Variants in ZNF512B observed in about 807,000 individuals in gnomAD.
ZNF512B encodes zinc finger protein 512B.
A neutral mutation model predicts 87.8 loss-of-function variants in ZNF512B; 22 were observed. That is an observed-to-expected ratio of 0.25 (90% CI 0.18 to 0.36). ZNF512B has a LOEUF of 0.36. ZNF512B is among the 10% of genes least tolerant of loss of function. The pLI, the probability that ZNF512B is intolerant of heterozygous loss-of-function variation, is 1.00. For missense variants in ZNF512B, 1,060 were observed against 1,231.6 expected (o/e 0.86, Z 2.09); for synonymous variants, 524 against 490.9 (o/e 1.07, Z -0.89).
chr20:63,964,128 C>A lies in ZNF512B; in HGVS notation c.1423G>T (p.Ala475Ser). The A allele has an allele frequency of 1.2e-6, 2 of 1,606,514 alleles. No homozygotes were observed. The highest frequency in any genetic ancestry group is 2.2e-5 in the South Asian group (2 of 90,114). ...GPEDARKKVP[A>S]APITVSKEAP... ...TCCTTGCTGACAGTGATGGGGGCAGCTGGCACCTTCTTCCGGGCGTCCTCA... is the reference window on the plus strand; with the variant it reads ...TCCTTGCTGACAGTGATGGGGGCAGATGGCACCTTCTTCCGGGCGTCCTCA... The change falls in exon 8 of 17, where the codon GCT (alanine) becomes TCT (serine). Residue 475 changes from alanine (A) to serine (S), a missense_variant. Transcript: ENST00000369888.
rs376212498 is a variant in ZNF512B at position 63,960,093 on chromosome 20, T to C, written c.2474A>G (p.Gln825Arg). 3.8e-5 allele frequency: 61 copies of C among 1,613,864 alleles called. No individual in the cohort carries two copies. Among genetic ancestry groups the C allele is most frequent in the Middle Eastern group, 1.6e-4 (1 of 6,082 alleles). The change falls in exon 17 of 17, where the codon CAG (glutamine) becomes CGG (arginine). Residue 825 changes from glutamine (Q) to arginine (R), a missense_variant. By Grantham distance (43) the Gln-to-Arg change is conservative. Around this residue, in one of 9 missense-constraint regions of ZNF512B, gnomAD observed 253 missense variants for 259.2 expected, o/e 0.98. Transcript: ENST00000369888. Reference protein sequence around the residue: ...SADPPPKHRSQDSLVPKKEKK... With the variant: ...SADPPPKHRSRDSLVPKKEKK... ...TTCCTTCTTGGGCACCAATGAGTCC[T>C]GGCTCCTGTGTTTGGGAGGTGGGTC...
chr20:63,969,425 G>C, intron 1 of ZNF512B, among the ~76,000 whole-genome samples: 1 of 151,678 alleles, frequency 6.6e-6, no homozygotes. Context: ...CGGGTCCGCC[G>C]CGTAGGCCGT....
chr20:63,961,985 G>A lies in ZNF512B; in HGVS notation c.2285C>T (p.Ser762Phe). Residue 762 changes from serine to phenylalanine, a missense_variant, in exon 15 of 17, where the codon TCC (serine) becomes TTC (phenylalanine). This residue lies in a region of ZNF512B where 253 missense variants were observed against 259.2 expected (regional missense o/e 0.98). Coordinates refer to ENST00000369888, the MANE Select transcript of ZNF512B (RefSeq NM_020713.3). This position sits in a 1 kb window ranked among gnomAD's most constrained non-coding sequence, Gnocchi z 6.4. Reference sequence around the variant, plus strand: ...ATGAGCCTTGAGTCCGGACACGCTGGAGTAGATGGCTTCACAGCACTGCAG... The same window carrying A: ...ATGAGCCTTGAGTCCGGACACGCTGAAGTAGATGGCTTCACAGCACTGCAG... ...CPNDCCEAIY[S>F]SVSGLKAHLA... is the part of the protein sequence containing the mutation. The A allele has an allele frequency of 3.2e-6, 5 of 1,551,068 alleles. No homozygotes were observed. Among genetic ancestry groups the A allele is most frequent in the Non-Finnish European group, 4.4e-6 (5 of 1,146,936 alleles).
chr20:63,968,767 T>C (rs1362311911), intron 1 of ZNF512B, among the ~76,000 whole-genome samples: 2 of 152,230 alleles, frequency 1.3e-5, no homozygotes, highest in Admixed American at 1.3e-4. Flanking sequence ...AAACAAGTCG[T>C]GGAAGCACCA....
Position 63,960,090 on chromosome 20 carries a change from T to C in ZNF512B, c.2477A>G (p.Asp826Gly). 1 of 1,613,938 alleles carries C rather than the reference T, an allele frequency of 6.2e-7. No homozygotes were observed. The change falls in exon 17 of 17, where the codon GAC becomes GGC. Residue 826 changes from aspartate (D) to glycine (G), a missense_variant. Asp to Gly is a moderately conservative substitution (Grantham distance 94). Around this residue, in one of 9 missense-constraint regions of ZNF512B, gnomAD observed 253 missense variants for 259.2 expected, o/e 0.98. Coordinates refer to ENST00000369888, the MANE Select transcript of ZNF512B (RefSeq NM_020713.3). ...ADPPPKHRSQ[D>G]SLVPKKEKKK... ...CTTTTCCTTCTTGGGCACCAATGAG[T>C]CCTGGCTCCTGTGTTTGGGAGGTGG...
In ZNF512B at chr20:63,964,375, T is replaced by G. The variant is rs1477981533; in HGVS notation, c.1278A>C (p.Thr426=). The part of the protein sequence containing the change: ...ERTKHRRKQK[T]PKKFTGEQPS... Reference sequence around the variant, plus strand: ...GCTGCTCCCCTGTAAACTTTTTGGGTGTTTTCTGTTTCCTTCCTGACTCGG... The same window carrying G: ...GCTGCTCCCCTGTAAACTTTTTGGGGGTTTTCTGTTTCCTTCCTGACTCGG... Residue 426 remains threonine (T), a synonymous_variant, in exon 7 of 17, where the codon ACA becomes ACC. Transcript: ENST00000369888. The G allele has an allele frequency of 6.2e-7, 1 of 1,613,842 alleles. No individual in the cohort carries two copies. Among genetic ancestry groups the G allele is most frequent in the Non-Finnish European group, 8.5e-7 (1 of 1,179,894 alleles).
Position 63,962,272 on chromosome 20 carries a change from C to T in ZNF512B, c.2265+1G>A, listed in dbSNP as rs2058861188. The T allele has an allele frequency of 1.2e-6, 2 of 1,609,188 alleles. No individual in the cohort carries two copies. The highest frequency in any genetic ancestry group is 1.1e-5 in the South Asian group (1 of 90,868). On this transcript the variant is annotated splice_donor_variant, in intron 14 of 16. Transcript: ENST00000369888. LOFTEE classifies it high-confidence loss of function. ...CCCCCCACCCGGCTGCCTCCGCTCACGTCGTTGGGACAGTTGACGTGGCCT... is the reference window on the plus strand; with the variant it reads ...CCCCCCACCCGGCTGCCTCCGCTCATGTCGTTGGGACAGTTGACGTGGCCT...
chr20:63,960,005 C>T lies in ZNF512B; in HGVS notation c.2562G>A (p.Glu854=), dbSNP rs749275563. Residue 854 remains glutamate (E), a synonymous_variant, in exon 17 of 17, where the codon GAG becomes GAA. Coordinates refer to ENST00000369888, the MANE Select transcript of ZNF512B (RefSeq NM_020713.3). ...RGRKPKERTP[E]EPVAKLPPRR... Reference sequence around the variant, plus strand: ...GCGGGGGCAGCTTGGCCACAGGCTCCTCTGGGGTCCGCTCCTTGGGCTTTC... The same window carrying T: ...GCGGGGGCAGCTTGGCCACAGGCTCTTCTGGGGTCCGCTCCTTGGGCTTTC... 4 of 1,613,298 alleles carry T rather than the reference C, an allele frequency of 2.5e-6. No homozygotes were observed. Among genetic ancestry groups the T allele is most frequent in the Admixed American group, 1.7e-5 (1 of 60,010 alleles).
Position 63,966,512 on chromosome 20 carries a change from G to T in ZNF512B, c.663C>A (p.Pro221=). Residue 221 remains proline, a synonymous_variant, in exon 5 of 17, where the codon CCC becomes CCA. Transcript: ENST00000369888. ...GISKPVSVGR[P]MPVTKAIPVT... is the part of the protein sequence containing the mutation. ...CCGGGATGGCCTTGGTGACTGGCATGGGTCTGCCGACCGAGACTGGCTTGC... is the reference window on the plus strand; with the variant it reads ...CCGGGATGGCCTTGGTGACTGGCATTGGTCTGCCGACCGAGACTGGCTTGC... 6.2e-7 allele frequency: 1 copy of T among 1,614,158 alleles called. No homozygotes were observed. Among genetic ancestry groups the T allele is most frequent in the East Asian group, 2.2e-5 (1 of 44,882 alleles).
In ZNF512B at chr20:63,960,099, C is replaced by T. The variant is rs987038966; in HGVS notation, c.2468G>A (p.Arg823Lys). The stretch of plus-strand genomic sequence containing the variant: ...CTTGGGCACCAATGAGTCCTGGCTC[C>T]TGTGTTTGGGAGGTGGGTCTGCTGA... The part of the protein sequence containing the change: ...RTSADPPPKH[R>K]SQDSLVPKKE... The change falls in exon 17 of 17, where the codon AGG (arginine) becomes AAG (lysine). Residue 823 changes from arginine (R) to lysine (K), a missense_variant. Arg to Lys is a conservative substitution (Grantham distance 26). This residue lies in a region of ZNF512B where 253 missense variants were observed against 259.2 expected (regional missense o/e 0.98). Coordinates refer to ENST00000369888, the MANE Select transcript of ZNF512B (RefSeq NM_020713.3). 1.9e-6 allele frequency: 3 copies of T among 1,613,962 alleles called. No individual in the cohort carries two copies. In the Admixed American group the frequency reaches 5.0e-5, roughly 27 times the overall value.
At position 63,966,577 on chromosome 20, in the gene ZNF512B, T is replaced by C. The variant is rs2058930483; in HGVS notation, c.598A>G (p.Ile200Val). Residue 200 changes from isoleucine (I) to valine (V), a missense_variant, in exon 5 of 17, where the codon ATT becomes GTT. Ile to Val is a conservative substitution (Grantham distance 29). Coordinates refer to ENST00000369888, the MANE Select transcript of ZNF512B (RefSeq NM_020713.3). ...TTGCTGACACCCACAGGTTTGCCAA[T>C]AGTGACAGGTTTGCTCACTCCGATG... ...KPIGVSKPVT[I>V]GKPVGVSKPI... 1 of 1,613,850 alleles carries C rather than the reference T, an allele frequency of 6.2e-7. No individual in the cohort carries two copies. Among genetic ancestry groups the C allele is most frequent in the Non-Finnish European group, 8.5e-7 (1 of 1,180,010 alleles).
chr20:63,960,600 G>A, intron 16 of ZNF512B, among the ~76,000 whole-genome samples: 1 of 130,992 alleles, frequency 7.6e-6, no homozygotes, highest in Non-Finnish European at 1.6e-5. Flanking sequence ...CCGCAGGGCT[G>A]GACACAGCCT....
Position 63,964,622 on chromosome 20 carries a change from C to A in ZNF512B, c.1129G>T (p.Ala377Ser), listed in dbSNP as rs2058901215. ...CTGGTGTCTGCACTCAGCTGGAAGG[C>A]CGAGCTCTGGCCCATGGAGGAGGGG... ...YGPSSMGQSS[A>S]FQLSADTSSG... The change falls in exon 6 of 17, where the codon GCC becomes TCC. Residue 377 changes from alanine (A) to serine (S), a missense_variant. By Grantham distance (99) the Ala-to-Ser change is moderately conservative. Transcript: ENST00000369888. The A allele has an allele frequency of 1.2e-6, 2 of 1,613,104 alleles. No homozygotes were observed. Among genetic ancestry groups the A allele is most frequent in the Non-Finnish European group, 1.7e-6 (2 of 1,179,996 alleles).
intron 1 of ZNF512B, 61 bp downstream of exon 1, chr20:63,969,753 G>A (rs2058962233): frequency 6.9e-6 from 1 of 144,098 alleles, no homozygotes; most frequent in Non-Finnish European, 1.5e-5. Flanking sequence ...GTCGAGATCC[G>A]GGGCGCGGTG....
rs1053847342 is a variant in ZNF512B at position 63,961,124 on chromosome 20, C to T, written c.2427+185G>A. Among the ~76,000 whole-genome samples the T allele has an allele frequency of 1.3e-5, 2 of 152,196 alleles. No individual in the cohort carries two copies. The highest frequency in any genetic ancestry group is 2.9e-5 in the Non-Finnish European group (2 of 68,012). ...GCTCCAGCTCAGGGTGCAAGCCTCC[C>T]AGTTCTCCCAGGGAAGCCAGACCCC... On this transcript the variant is annotated intron_variant, in intron 16 of 16. Transcript: ENST00000369888. This position sits in a 1 kb window ranked among gnomAD's most constrained non-coding sequence, Gnocchi z 6.4.
In ZNF512B at chr20:63,963,281, G is replaced by C. The variant is rs1405175515; in HGVS notation, c.1798-16C>G. On this transcript the variant is annotated splice_polypyrimidine_tract_variant and intron_variant, in intron 11 of 16. Transcript: ENST00000369888. ...CCCCGCAACCCTGGGGGTCAGGCCA[G>C]AGGGTGGGTGAGTGGCCAGCAGGGC... 6.5e-7 allele frequency: 1 copy of C among 1,539,838 alleles called. No individual in the cohort carries two copies. Among genetic ancestry groups the C allele is most frequent in the Non-Finnish European group, 8.7e-7 (1 of 1,146,080 alleles).
At position 63,959,774 on chromosome 20, in the gene ZNF512B, G is replaced by A; in HGVS notation, c.*114C>T. 2.8e-6 allele frequency: 4 copies of A among 1,411,196 alleles called. No homozygotes were observed. The highest frequency in any genetic ancestry group is 1.5e-5 in the South Asian group (1 of 68,722). The allele number at this position is 1,411,196 out of a possible 1,614,324, so 87.4% of individuals were successfully genotyped here. A position where few individuals can be genotyped will look rare whatever the true frequency, so the allele number is the denominator to read the frequency against. On this transcript the variant is annotated 3_prime_UTR_variant, in exon 17 of 17. Transcript: ENST00000369888. ...TGGCTGGCTGCCCCACTGGACGGAT[G>A]AAGAGGCGGGGGTGGGGGATGGAGA... is the stretch of plus-strand genomic sequence containing the variant.
rs1211037014 is a variant in ZNF512B at position 63,959,691 on chromosome 20, C to G, written c.*197G>C. The G allele has an allele frequency of 1.2e-6, 1 of 801,182 alleles. No individual in the cohort carries two copies. Among genetic ancestry groups the G allele is most frequent in the African/African-American group, 1.8e-5 (1 of 57,026 alleles). The allele number at this position is 801,182 out of a possible 1,614,324, so 49.6% of individuals were successfully genotyped here. On this transcript the variant is annotated 3_prime_UTR_variant, in exon 17 of 17. Transcript: ENST00000369888. ...TGGGCACACCTTGGGGAGCCCCAACCCAGGTGTGCCCTGTGGCAGCCTTAA... is the reference window on the plus strand; with the variant it reads ...TGGGCACACCTTGGGGAGCCCCAACGCAGGTGTGCCCTGTGGCAGCCTTAA...
chr20:63,968,925 G>C (rs1021958682), intron 1 of ZNF512B, among the ~76,000 whole-genome samples: 1 of 152,262 alleles, frequency 6.6e-6, no homozygotes, highest in Non-Finnish European at 1.5e-5. Flanking sequence ...GCCACGGAAG[G>C]GGGTGGGACA....
Sources: allele counts gnomAD v4.1 joint callset (sites outside exome capture counted in the v4.1 genomes callset), GRCh38; gene constraint gnomAD v4.1.1; regional missense constraint gnomAD v4.1.1; non-coding constraint Gnocchi (gnomAD v3.1); transcripts MANE v1.5; gene names NCBI Gene and HGNC (gene_info 2026-07-23, HGNC 2026-07-21).